OR52E4: variants seen among roughly 807,000 people sequenced by gnomAD.
OR52E4 encodes olfactory receptor family 52 subfamily E member 4, also known as olfactory receptor 52E4.
For missense variants in OR52E4, 444 were observed against 383.8 expected (o/e 1.16, Z -1.31); for synonymous variants, 169 against 137.4 (o/e 1.23, Z -1.61).
In OR52E4 at chr11:5,885,478, T is replaced by A. The variant is rs1202006427; in HGVS notation, c.*247T>A. On this transcript the variant is annotated 3_prime_UTR_variant, in exon 2 of 2. Transcript: ENST00000641726. The stretch of plus-strand genomic sequence containing the variant: ...AAGGTAACTATGCTGAAGGTTGAGG[T>A]GGCTTTGGAGTAGAACTGCTTGTAA... 2.5e-6 allele frequency: 1 copy of A among 395,342 alleles called. No individual in the cohort carries two copies. Among genetic ancestry groups the A allele is most frequent in the East Asian group, 4.1e-5 (1 of 24,138 alleles). 24.5% of individuals were successfully genotyped at this position (395,342 alleles called of 1,614,324 possible). A position where few individuals can be genotyped will look rare whatever the true frequency, so the allele number is the denominator to read the frequency against.
chr11:5,881,593 A>G (rs1177564833), intron 1 of OR52E4, among the ~76,000 whole-genome samples: 1 of 152,076 alleles, frequency 6.6e-6, no homozygotes, highest in Non-Finnish European at 1.5e-5. Context: ...CTTAGGCCAA[A>G]CTGTGACATA....
In OR52E4 at chr11:5,884,975, G is replaced by A. The variant is rs4757987; in HGVS notation, c.683G>A (p.Arg228His). 607,054 of 1,612,112 alleles carry A rather than the reference G, an allele frequency of 0.38. 115,688 individuals are homozygous for A. Among genetic ancestry groups the A allele is most frequent in the African/African-American group, 0.49 (36,425 of 74,784 alleles). The change falls in exon 2 of 2, where the codon CGC becomes CAC. Residue 228 changes from arginine to histidine, a missense_variant. Coordinates refer to ENST00000641726, the MANE Select transcript of OR52E4 (RefSeq NM_001005165.2). ...GTGCTTATCCTTAGAGCTGTTTTTCGCCTTCCCTCTCAAGATGTCCGACTA... is the reference window on the plus strand; with the variant it reads ...GTGCTTATCCTTAGAGCTGTTTTTCACCTTCCCTCTCAAGATGTCCGACTA... The part of the protein sequence containing the change: ...SYVLILRAVF[R>H]LPSQDVRLKA...
rs757655933 is a variant in OR52E4, at chr11:5,885,185, A to C, written c.893A>C (p.Lys298Thr). 38 of 1,602,786 alleles carry C rather than the reference A, an allele frequency of 2.4e-5. No individual in the cohort carries two copies. The Admixed American group carries it at 2.9e-4, about 12-fold the overall frequency. The change falls in exon 2 of 2, where the codon AAG becomes ACG. Residue 298 changes from lysine to threonine, a missense_variant. Physicochemically the swap from Lys to Thr is moderately conservative, Grantham distance 78 (BLOSUM62 -1). Transcript: ENST00000641726. Reference sequence around the variant, plus strand: ...CCTGTCATTTATGGAGTCAGGACCAAGCAGATCCGAGAGCAAATTGTGAAA... The same window carrying C: ...CCTGTCATTTATGGAGTCAGGACCACGCAGATCCGAGAGCAAATTGTGAAA... The part of the protein sequence containing the change: ...LNPVIYGVRT[K>T]QIREQIVKIF...
At chr11:5,881,047 G>C (rs1564990268) in intron 1 of OR52E4, among the ~76,000 whole-genome samples, 1 of 151,982 alleles carries the variant, frequency 6.6e-6, no homozygotes, top group Non-Finnish European at 1.5e-5. Context: ...TCATATAGTA[G>C]CATGGCCATA....
At chr11:5,881,406 T>C (rs1201710302) in intron 1 of OR52E4, among the ~76,000 whole-genome samples, 1 of 152,144 alleles carries the variant, frequency 6.6e-6, no homozygotes, top group Non-Finnish European at 1.5e-5. Flanking sequence ...ATCAACTGCT[T>C]TGGTCTCACC....
rs150137348 is a variant in OR52E4, at chr11:5,884,916, T to C, written c.624T>C (p.Ile208=). 5.0e-6 allele frequency: 8 copies of C among 1,612,940 alleles called. No individual in the cohort carries two copies. In the African/African-American group the frequency reaches 8.0e-5, roughly 16 times the overall value. ...IIYGLMVISY[I]IVDVILIASS... ...ATGGGCTCATGGTGATTTCTTATATTATTGTGGATGTGATCTTAATTGCCT... is the reference window on the plus strand; with the variant it reads ...ATGGGCTCATGGTGATTTCTTATATCATTGTGGATGTGATCTTAATTGCCT... Residue 208 remains isoleucine, a synonymous_variant, in exon 2 of 2, where the codon ATT becomes ATC. Coordinates refer to ENST00000641726, the MANE Select transcript of OR52E4 (RefSeq NM_001005165.2).
chr11:5,885,614 G>T lies in OR52E4; in HGVS notation c.*383G>T. On this transcript the variant is annotated 3_prime_UTR_variant, in exon 2 of 2. Coordinates refer to ENST00000641726, the MANE Select transcript of OR52E4 (RefSeq NM_001005165.2). ...CTCATTTTATAGATGAACAAAATAA[G>T]CTGTAATCCAGCAGTAGTGTCCGTT... 6.2e-6 allele frequency: 1 copy of T among 160,494 alleles called. No individual in the cohort carries two copies. The highest frequency in any genetic ancestry group is 6.3e-5 in the Admixed American group (1 of 15,976). The allele number at this position is 160,494 out of a possible 1,614,324, so 9.9% of individuals were successfully genotyped here.
In OR52E4 at chr11:5,887,026, TA is replaced by T. The variant is rs1250975274; in HGVS notation, c.*1798del. On this transcript the variant is annotated 3_prime_UTR_variant, in exon 2 of 2. Transcript: ENST00000641726. ...AACATTTTATGGGAACATAGGGTTTTAAATGTGGAAATACATTGAAACTTGA... is the reference window on the plus strand; with the variant it reads ...AACATTTTATGGGAACATAGGGTTTTAATGTGGAAATACATTGAAACTTGA... 2 of 152,140 alleles carry T rather than the reference TA, an allele frequency of 1.3e-5. No individual in the cohort carries two copies. Among genetic ancestry groups the T allele is most frequent in the African/African-American group, 4.8e-5 (2 of 41,452 alleles). The allele number at this position is 152,140 out of a possible 1,614,324, so 9.4% of individuals were successfully genotyped here.
intron 1 of OR52E4, among the ~76,000 whole-genome samples, chr11:5,882,719 T>TCA (rs3074159): frequency 0.78 from 115,095 of 147,968 alleles, 44,611 homozygotes; most frequent in East Asian, 0.82. Context: ...TCTCTCTCTC[T>TCA]CTCACTCTCT....
Position 5,884,450 on chromosome 11 carries a change from C to T in OR52E4, c.158C>T (p.Thr53Ile), listed in dbSNP as rs1365067974. The T allele has an allele frequency of 6.2e-7, 1 of 1,613,548 alleles. No homozygotes were observed. The highest frequency in any genetic ancestry group is 8.5e-7 in the Non-Finnish European group (1 of 1,179,640). The change falls in exon 2 of 2, where the codon ACT becomes ATT. Residue 53 changes from threonine (T) to isoleucine (I), a missense_variant. By Grantham distance (89) the Thr-to-Ile change is moderately conservative. Transcript: ENST00000641726. ...ATGACCATTCTCTTTGTGATCAAAACTGAACATAGTCTACACCAGCCCATG... is the reference window on the plus strand; with the variant it reads ...ATGACCATTCTCTTTGTGATCAAAATTGAACATAGTCTACACCAGCCCATG... ...GNMTILFVIK[T>I]EHSLHQPMFY...
rs1847045246 is a variant in OR52E4, at chr11:5,886,419, A to G, written c.*1188A>G. 6.6e-6 allele frequency: 1 copy of G among 152,010 alleles called. No homozygotes were observed. The allele number at this position is 152,010 out of a possible 1,614,324, so 9.4% of individuals were successfully genotyped here. ...GACTACTTGTATGTGTCGCCTGTCTAATTCTAATTCTCAATTCTATCTGAC... is the reference window on the plus strand; with the variant it reads ...GACTACTTGTATGTGTCGCCTGTCTGATTCTAATTCTCAATTCTATCTGAC... On this transcript the variant is annotated 3_prime_UTR_variant, in exon 2 of 2. Transcript: ENST00000641726.
At position 5,885,030 on chromosome 11, in the gene OR52E4, CTG is replaced by C. The variant is rs1197186756; in HGVS notation, c.742_743del (p.Val248TyrfsTer31). The C allele has an allele frequency of 4.2e-5, 67 of 1,613,390 alleles. No individual in the cohort carries two copies. Among genetic ancestry groups the C allele is most frequent in the Non-Finnish European group, 5.5e-5 (65 of 1,179,708 alleles). On this transcript the variant is annotated frameshift_variant, in exon 2 of 2. Coordinates refer to ENST00000641726, the MANE Select transcript of OR52E4 (RefSeq NM_001005165.2). LOFTEE classifies it low-confidence loss of function (END_TRUNC). ...KAFNTCGSHV[C>X]VMLCFYTPAF... ...CCTTCAATACCTGTGGTTCTCATGT[CTG>C]TGTTATGCTGTGCTTTTACACACCA...
In OR52E4 at chr11:5,884,277, G is replaced by A; in HGVS notation, c.-16G>A. ...GATCCTTCATACTTAGGAATTCAGT[G>A]ACACTTGCTGGGAGAATGCCTTCTA... On this transcript the variant is annotated 5_prime_UTR_variant, in exon 2 of 2. Transcript: ENST00000641726. The A allele has an allele frequency of 6.4e-7, 1 of 1,568,020 alleles. No individual in the cohort carries two copies. Among genetic ancestry groups the A allele is most frequent in the Non-Finnish European group, 8.7e-7 (1 of 1,148,436 alleles).
chr11:5,884,240 T>C lies in OR52E4; in HGVS notation c.-53T>C, dbSNP rs1847001943. ...TCAGGAACTTGACAAGAGAGGACCT[T>C]AAAGAAAGTGAGATCCTTCATACTT... is the stretch of plus-strand genomic sequence containing the variant. On this transcript the variant is annotated 5_prime_UTR_variant, in exon 2 of 2. Coordinates refer to ENST00000641726, the MANE Select transcript of OR52E4 (RefSeq NM_001005165.2). 1 of 1,335,018 alleles carries C rather than the reference T, an allele frequency of 7.5e-7. No individual in the cohort carries two copies. Among genetic ancestry groups the C allele is most frequent in the Non-Finnish European group, 1.1e-6 (1 of 951,220 alleles). 82.7% of individuals were successfully genotyped at this position (1,335,018 alleles called of 1,614,324 possible).
chr11:5,884,451 T>C lies in OR52E4; in HGVS notation c.159T>C (p.Thr53=). The change falls in exon 2 of 2, where the codon ACT becomes ACC. Residue 53 remains threonine (T), a synonymous_variant. Coordinates refer to ENST00000641726, the MANE Select transcript of OR52E4 (RefSeq NM_001005165.2). The part of the protein sequence containing the change: ...GNMTILFVIK[T]EHSLHQPMFY... The stretch of plus-strand genomic sequence containing the variant: ...TGACCATTCTCTTTGTGATCAAAAC[T>C]GAACATAGTCTACACCAGCCCATGT... 2 of 1,613,544 alleles carry C rather than the reference T, an allele frequency of 1.2e-6. No individual in the cohort carries two copies. The highest frequency in any genetic ancestry group is 1.7e-6 in the Non-Finnish European group (2 of 1,179,652).
At chr11:5,884,121 G>C (rs114184461) in intron 1 of OR52E4, 98 bp from the exon 2 acceptor site, 1 of 584,142 alleles carries the variant, frequency 1.7e-6, no homozygotes, top group African/African-American at 1.9e-5. Flanking sequence ...AGGCTTCCTC[G>C]ATTATCCTCT....
At position 5,885,129 on chromosome 11, in the gene OR52E4, C is replaced by A; in HGVS notation, c.837C>A (p.Asn279Lys). The change falls in exon 2 of 2, where the codon AAC becomes AAA. Residue 279 changes from asparagine (N) to lysine (K), a missense_variant. Physicochemically the swap from Asn to Lys is moderately conservative, Grantham distance 94 (BLOSUM62 0). Transcript: ENST00000641726. The stretch of plus-strand genomic sequence containing the variant: ...ACTATATCCATATTCTTTTGGCTAA[C>A]CTGTATGTGGTTGTCCCACCTGCCC... ...IPHYIHILLA[N>K]LYVVVPPALN... 6.2e-7 allele frequency: 1 copy of A among 1,613,358 alleles called. No homozygotes were observed. The highest frequency in any genetic ancestry group is 1.1e-5 in the South Asian group (1 of 91,068).
Position 5,884,641 on chromosome 11 carries a change from T to C in OR52E4, c.349T>C (p.Leu117=), listed in dbSNP as rs751121098. 1 of 1,613,576 alleles carries C rather than the reference T, an allele frequency of 6.2e-7. No individual in the cohort carries two copies. The highest frequency in any genetic ancestry group is 8.5e-7 in the Non-Finnish European group (1 of 1,179,730). Residue 117 remains leucine, a synonymous_variant, in exon 2 of 2, where the codon TTG becomes CTG. Coordinates refer to ENST00000641726, the MANE Select transcript of OR52E4 (RefSeq NM_001005165.2). The part of the protein sequence containing the change: ...HMFTGMETVL[L]VVMAYDRFVA... ...GTTTACAGGCATGGAGACTGTTCTG[T>C]TGGTGGTCATGGCTTATGACCGCTT...
At chr11:5,881,258 T>C (rs564675678) in intron 1 of OR52E4, among the ~76,000 whole-genome samples, 20 of 152,222 alleles carry the variant, frequency 1.3e-4, no homozygotes, top group African/African-American at 3.8e-4. Context: ...GTTCCCTATA[T>C]CCCTACTACT....
Sources: allele counts gnomAD v4.1 joint callset (sites outside exome capture counted in the v4.1 genomes callset), GRCh38; gene constraint gnomAD v4.1.1; transcripts MANE v1.5; gene names NCBI Gene and HGNC (gene_info 2026-07-23, HGNC 2026-07-21).